Variants in FGF12 observed in about 807,000 individuals in gnomAD.
The protein encoded by FGF12 is fibroblast growth factor 12B.
In FGF12, 14 loss-of-function variants were observed where a neutral mutation model predicts 23.6. The observed-to-expected ratio is 0.59, with a 90% CI of 0.39 to 0.93. FGF12 has a LOEUF of 0.93. Ranked by LOEUF, FGF12 falls within the 40% of genes least tolerant of loss-of-function variation. The probability of loss-of-function intolerance (pLI) is 0.00; values close to 1 mark genes in which losing one functional copy is unlikely to be tolerated. For missense variants in FGF12, 175 were observed against 217.8 expected, an observed-to-expected ratio of 0.80 and a Z score of 1.24; for synonymous variants, 62 against 77.3, an observed-to-expected ratio of 0.80 and a Z score of 1.04.
chr3:192,423,381 G>C (rs997172484), intron 2 of FGF12, among the ~76,000 whole-genome samples: 1 of 152,102 alleles, frequency 6.6e-6, no homozygotes, highest in South Asian at 2.1e-4. Flanking sequence ...CTAGAAGAGC[G>C]ACTTAACACA....
intron 2 of FGF12, among the ~76,000 whole-genome samples, chr3:192,655,795 G>A (rs1716388698): frequency 6.6e-6 from 1 of 152,056 alleles, no homozygotes; most frequent in Non-Finnish European, 1.5e-5. Context: ...ACGTTATCAG[G>A]AGTCTGAGTC....
intron 4 of FGF12, among the ~76,000 whole-genome samples, chr3:192,306,296 T>G (rs547710395): frequency 6.6e-6 from 1 of 152,246 alleles, no homozygotes; most frequent in East Asian, 1.9e-4. Context: ...TTATGGACGC[T>G]CTAAGCCACT....
At chr3:192,169,846 A>C (rs58984164) in intron 5 of FGF12, among the ~76,000 whole-genome samples, 10,202 of 150,940 alleles carry the variant, frequency 0.068, 445 homozygotes, top group African/African-American at 0.1. Flanking sequence ...AAAAAAAAAA[A>C]CAAAAAAGTT....
chr3:192,315,711 A>G (rs903439456), intron 4 of FGF12, among the ~76,000 whole-genome samples: 1 of 152,236 alleles, frequency 6.6e-6, no homozygotes, highest in African/African-American at 2.4e-5. Context: ...GAACAGCAAG[A>G]GAAAGCAGAA....
At chr3:192,689,333 G>C (rs1717868566) in intron 2 of FGF12, among the ~76,000 whole-genome samples, 1 of 152,058 alleles carries the variant, frequency 6.6e-6, no homozygotes, top group South Asian at 2.1e-4. Flanking sequence ...ATGTAACAAA[G>C]TATCACATGC....
At chr3:192,267,007 T>C (rs1713118610) in intron 4 of FGF12, 1 of 152,206 alleles carries the variant, frequency 6.6e-6, no homozygotes, top group South Asian at 2.1e-4. Flanking sequence ...TTCAAGGAAC[T>C]GATGCCTTGA....
intron 4 of FGF12, among the ~76,000 whole-genome samples, chr3:192,211,618 G>T (rs1395977398): frequency 3.3e-5 from 5 of 151,836 alleles, no homozygotes; most frequent in Non-Finnish European, 4.4e-5. Context: ...GTAGAGACGG[G>T]GTTTCATCAT....
intron 4 of FGF12, among the ~76,000 whole-genome samples, chr3:192,171,603 C>CCCTT (rs1560177741): frequency 6.6e-6 from 1 of 152,100 alleles, no homozygotes; most frequent in Non-Finnish European, 1.5e-5. Flanking sequence ...GAAATTTCTC[C>CCCTT]CCTTCTGAGA....
At chr3:192,549,617 G>C (rs1021371601) in intron 2 of FGF12, among the ~76,000 whole-genome samples, 22 of 152,084 alleles carry the variant, frequency 1.4e-4, no homozygotes, top group African/African-American at 5.3e-4. Flanking sequence ...TGACTATAGG[G>C]TGTTTCTAGA....
rs535361317 is a variant in FGF12, at chr3:192,573,794, G to A, written c.13+153387C>T. 4.6e-4 allele frequency among the ~76,000 whole-genome samples: 70 copies of A among 152,280 alleles called. No homozygotes were observed. The South Asian group carries it at 0.012, about 27-fold the overall frequency. On this transcript the variant is annotated intron_variant, in intron 2 of 5. Coordinates refer to ENST00000445105, the MANE Select transcript of FGF12 (RefSeq NM_004113.6). ...CAGAGCAAGAAGACATTTCAAAAGC[G>A]GTCTGAGTTTTAAAATGTCAACACT...
chr3:192,293,504 G>C (rs1056312509), intron 4 of FGF12, among the ~76,000 whole-genome samples: 3 of 152,096 alleles, frequency 2.0e-5, no homozygotes, highest in African/African-American at 7.2e-5. Context: ...CTAGTGTTTC[G>C]ATTTGCTATC....
intron 2 of FGF12, among the ~76,000 whole-genome samples, chr3:192,663,391 T>C (rs1716741132): frequency 1.3e-5 from 2 of 152,114 alleles, no homozygotes; most frequent in South Asian, 4.1e-4. Context: ...CTCCAGAGGG[T>C]AGCACATAGT....
intron 2 of FGF12, among the ~76,000 whole-genome samples, chr3:192,700,566 C>T (rs1445231041): frequency 6.6e-6 from 1 of 152,176 alleles, no homozygotes; most frequent in African/African-American, 2.4e-5. Context: ...TGAGCAGATA[C>T]ATTATTAAAG....
intron 2 of FGF12, among the ~76,000 whole-genome samples, chr3:192,380,603 A>C (rs988989887): frequency 1.3e-5 from 2 of 152,240 alleles, no homozygotes; most frequent in Non-Finnish European, 2.9e-5. Flanking sequence ...GTGTTTATGT[A>C]CAGAAATTCT....
chr3:192,178,478 T>A (rs1230903557), intron 4 of FGF12, among the ~76,000 whole-genome samples: 1 of 152,090 alleles, frequency 6.6e-6, no homozygotes, highest in African/African-American at 2.4e-5. Flanking sequence ...GTTCTATCTT[T>A]CCCACTTAAA....
chr3:192,284,966 G>T (rs1234797946), intron 4 of FGF12, among the ~76,000 whole-genome samples: 1 of 152,026 alleles, frequency 6.6e-6, no homozygotes, highest in African/African-American at 2.4e-5. Context: ...TGATTGGACT[G>T]CCCAGGAGCT....
At chr3:192,320,745 G>A (rs1307787865) in intron 4 of FGF12, among the ~76,000 whole-genome samples, 1 of 151,956 alleles carries the variant, frequency 6.6e-6, no homozygotes, top group Non-Finnish European at 1.5e-5. Context: ...AGAAATAAAT[G>A]TAAAAATTTC....
intron 2 of FGF12, among the ~76,000 whole-genome samples, chr3:192,540,267 G>A (rs1226683769): frequency 1.3e-5 from 2 of 151,928 alleles, no homozygotes; most frequent in Non-Finnish European, 2.9e-5. Flanking sequence ...TTTTGACGTA[G>A]GTAATTATAG....
At chr3:192,419,647 T>C (rs918980715) in intron 2 of FGF12, among the ~76,000 whole-genome samples, 2 of 152,140 alleles carry the variant, frequency 1.3e-5, no homozygotes, top group South Asian at 2.1e-4. Context: ...AAAATCATTA[T>C]AGGCTGCATC....
Sources: gnomAD v4.1 joint callset for allele counts (sites outside exome capture counted in the v4.1 genomes callset) on GRCh38, gnomAD v4.1.1 for gene constraint, MANE v1.5 for transcripts, NCBI Gene and HGNC (gene_info 2026-07-23, HGNC 2026-07-21) for gene names.